Variants in CNTNAP5 observed in about 807,000 individuals in gnomAD.
The protein encoded by CNTNAP5 is contactin associated protein family member 5, also known as contactin-associated protein-like 5.
CNTNAP5 carries 72 observed loss-of-function variants against 150.2 expected under a neutral mutation model. That is an observed-to-expected ratio of 0.48 (90% CI 0.40 to 0.58). CNTNAP5 has a LOEUF of 0.58. Among genes scored for constraint, CNTNAP5 ranks in the 20% least tolerant of loss-of-function variants. CNTNAP5 has a pLI of 0.00. For synonymous variants in CNTNAP5, 672 were observed against 619.8 expected, an observed-to-expected ratio of 1.08 and a Z score of -1.25; for missense variants, 1,636 against 1,626.2, an observed-to-expected ratio of 1.01 and a Z score of -0.10.
At chr2:124,652,560 G>T (rs979555451) in intron 13 of CNTNAP5, among the ~76,000 whole-genome samples, 1 of 152,210 alleles carries the variant, frequency 6.6e-6, no homozygotes. Context: ...CAAAGCCATA[G>T]TCTGGAAGAT....
intron 10 of CNTNAP5, among the ~76,000 whole-genome samples, chr2:124,540,259 C>T (rs926501879): frequency 1.7e-4 from 26 of 152,136 alleles, no homozygotes; most frequent in Admixed American, 6.5e-4. Flanking sequence ...ATATGGAAAT[C>T]TTCTCAGATG....
At chr2:124,670,356 C>A (rs899545340) in intron 13 of CNTNAP5, among the ~76,000 whole-genome samples, 2 of 151,916 alleles carry the variant, frequency 1.3e-5, no homozygotes, top group Non-Finnish European at 2.9e-5. Flanking sequence ...TACTTGCTGG[C>A]CATCTGTGTG....
intron 19 of CNTNAP5, among the ~76,000 whole-genome samples, chr2:124,804,354 G>A (rs1029912098): frequency 6.6e-6 from 1 of 152,156 alleles, no homozygotes; most frequent in African/African-American, 2.4e-5. Context: ...ATGCTTAGTA[G>A]CACTGGATCT....
intron 12 of CNTNAP5, among the ~76,000 whole-genome samples, chr2:124,624,941 T>A (rs1333884646): frequency 6.6e-6 from 1 of 152,164 alleles, no homozygotes; most frequent in African/African-American, 2.4e-5. Flanking sequence ...TAGCAATCCA[T>A]GTTACAGAGA....
intron 13 of CNTNAP5, among the ~76,000 whole-genome samples, chr2:124,702,263 G>A (rs1016360435): frequency 1.5e-4 from 22 of 143,872 alleles, no homozygotes; most frequent in South Asian, 2.3e-4. Context: ...GTTGTCATCC[G>A]ATTTACATTA....
intron 3 of CNTNAP5, among the ~76,000 whole-genome samples, chr2:124,406,281 T>C (rs539772295): frequency 6.6e-6 from 1 of 152,348 alleles, no homozygotes; most frequent in East Asian, 1.9e-4. Flanking sequence ...TAATGTATAA[T>C]CTGTAGTTGT....
intron 13 of CNTNAP5, among the ~76,000 whole-genome samples, chr2:124,732,814 C>T (rs1191866785): frequency 1.3e-5 from 2 of 151,942 alleles, no homozygotes; most frequent in African/African-American, 4.8e-5. Context: ...TAGAAAATAC[C>T]GAGTTCCTTA....
intron 3 of CNTNAP5, among the ~76,000 whole-genome samples, chr2:124,377,235 T>C (rs1224265519): frequency 6.6e-6 from 1 of 152,116 alleles, no homozygotes; most frequent in Non-Finnish European, 1.5e-5. Context: ...ACTGAATACA[T>C]TATTTTTGCT....
chr2:124,706,682 G>A (rs937548747), intron 13 of CNTNAP5, among the ~76,000 whole-genome samples: 1 of 151,138 alleles, frequency 6.6e-6, no homozygotes, highest in African/African-American at 2.4e-5. Context: ...GGGAGGTGGA[G>A]GTTGCAGTGA....
At chr2:124,379,170 T>C (rs1478877978) in intron 3 of CNTNAP5, among the ~76,000 whole-genome samples, 1 of 151,862 alleles carries the variant, frequency 6.6e-6, no homozygotes, top group South Asian at 2.1e-4. Flanking sequence ...TGAACCTGCA[T>C]TGACACATCA....
At position 124,551,878 on chromosome 2, in the gene CNTNAP5, T is replaced by A. The variant is rs1260470554; in HGVS notation, c.1650-11339T>A. ...TTTTTATTTAAGTACACTGAGTATA[T>A]TTTTTAATGCTCTTATCTTTTAAGC... is the stretch of plus-strand genomic sequence containing the variant. On this transcript the variant is annotated intron_variant, in intron 10 of 23. Transcript: ENST00000682447. Among the ~76,000 whole-genome samples, 5 of 152,274 alleles carry A rather than the reference T, an allele frequency of 3.3e-5. No homozygotes were observed. The South Asian group carries it at 8.3e-4, about 25-fold the overall frequency.
intron 12 of CNTNAP5, among the ~76,000 whole-genome samples, chr2:124,620,772 C>G (rs62171271): frequency 7.2e-6 from 1 of 139,368 alleles, no homozygotes; most frequent in South Asian, 2.3e-4. Context: ...CACACACACA[C>G]ACATATATAT....
Position 124,350,734 on chromosome 2 carries a change from A to G in CNTNAP5, c.382-66709A>G, listed in dbSNP as rs140247591. ...AATTTATTGGAGATATAGTATATGT[A>G]AGGTTATATATTTTGCTAACCAAAA... On this transcript the variant is annotated intron_variant, in intron 3 of 23. Transcript: ENST00000682447. Among the ~76,000 whole-genome samples, 246 of 152,290 alleles carry G rather than the reference A, an allele frequency of 1.6e-3. 2 individuals are homozygous for G. The highest frequency in any genetic ancestry group is 5.7e-3 in the African/African-American group (236 of 41,578).
intron 10 of CNTNAP5, among the ~76,000 whole-genome samples, chr2:124,559,769 T>C (rs1354258107): frequency 6.6e-6 from 1 of 152,332 alleles, no homozygotes; most frequent in East Asian, 1.9e-4. Context: ...ATTATACTCA[T>C]GAAACTGCCC....
intron 1 of CNTNAP5, among the ~76,000 whole-genome samples, chr2:124,116,515 C>T (rs926931211): frequency 6.6e-6 from 1 of 152,184 alleles, no homozygotes; most frequent in Non-Finnish European, 1.5e-5. Context: ...AGGTGAGCTT[C>T]GTTGTTTCCT....
intron 1 of CNTNAP5, among the ~76,000 whole-genome samples, chr2:124,084,638 G>A (rs942041856): frequency 6.6e-6 from 1 of 151,882 alleles, no homozygotes; most frequent in African/African-American, 2.4e-5. Flanking sequence ...GTCTATATAT[G>A]TGTGTGTATA....
intron 19 of CNTNAP5, among the ~76,000 whole-genome samples, chr2:124,800,370 C>G (rs1009968118): frequency 6.8e-6 from 1 of 147,976 alleles, no homozygotes; most frequent in Non-Finnish European, 1.5e-5. Context: ...ATTGCACACA[C>G]ATATACACAC....
intron 13 of CNTNAP5, among the ~76,000 whole-genome samples, chr2:124,694,015 G>A (rs964998625): frequency 7.2e-5 from 11 of 151,980 alleles, no homozygotes; most frequent in Admixed American, 3.9e-4. Flanking sequence ...ATGGGATTTC[G>A]TATAAACAAC....
chr2:124,572,018 C>T (rs13003694), intron 11 of CNTNAP5, among the ~76,000 whole-genome samples: 19,579 of 152,168 alleles, frequency 0.13, 1,548 homozygotes, highest in East Asian at 0.26. Context: ...TTGGAATGCA[C>T]TGGAATTTGC....
Sources: gnomAD v4.1 joint callset for allele counts (sites outside exome capture counted in the v4.1 genomes callset) on GRCh38, gnomAD v4.1.1 for gene constraint, MANE v1.5 for transcripts, NCBI Gene and HGNC (gene_info 2026-07-23, HGNC 2026-07-21) for gene names.